The following LRGUK variants were observed in gnomAD, a reference collection of about 807,000 sequenced individuals.
The protein encoded by LRGUK is leucine-rich repeat and guanylate kinase domain-containing protein.
In LRGUK, 65 loss-of-function variants were observed where a neutral mutation model predicts 76.0. That is an observed-to-expected ratio of 0.85 (90% confidence interval 0.70 to 1.05). The LOEUF (loss-of-function observed/expected upper bound fraction) is 1.05, where lower values mean the gene tolerates loss of function less well. Among genes scored for constraint, LRGUK ranks in the 50% least tolerant of loss-of-function variants. LRGUK has a pLI of 0.00. For synonymous variants in LRGUK, 268 were observed against 265.6 expected (o/e 1.01, Z -0.09); for missense variants, 758 against 732.8 (o/e 1.03, Z -0.40).
chr7:134,263,920 G>A (rs138421011), exon 20 of LRGUK: 15 of 1,612,184 alleles, frequency 9.3e-6, no homozygotes, highest in African/African-American at 5.3e-5. Context: ...GTCATCAGTC[G>A]CCCAGGTTCC....
chr7:134,172,450 A>C (rs1799295117), intron 7 of LRGUK, among the ~76,000 whole-genome samples: 1 of 152,188 alleles, frequency 6.6e-6, no homozygotes, highest in Non-Finnish European at 1.5e-5. Flanking sequence ...GGGAAATCTA[A>C]TTCTTTACAA....
chr7:134,268,850 C>T (rs926096219), downstream of LRGUK, among the ~76,000 whole-genome samples: 1 of 126,260 alleles, frequency 7.9e-6, no homozygotes, highest in Non-Finnish European at 1.9e-5. Context: ...CTGCCTCAGC[C>T]TCCTGAGTAG....
At chr7:134,267,822 C>T (rs1802884257), downstream of LRGUK, among the ~76,000 whole-genome samples, 1 of 152,022 alleles carries the variant, frequency 6.6e-6, no homozygotes, top group Non-Finnish European at 1.5e-5. Context: ...TATTGGGTAC[C>T]ATGTTCACTA....
chr7:134,185,214 AAAAC>A (rs1394857219), intron 11 of LRGUK, among the ~76,000 whole-genome samples: 14 of 152,224 alleles, frequency 9.2e-5, no homozygotes, highest in African/African-American at 1.4e-4. Context: ...CAAAAAACCA[AAAAC>A]AAACAAACAA....
At chr7:134,193,705 C>T (rs1391233971) in intron 12 of LRGUK, among the ~76,000 whole-genome samples, 1 of 152,126 alleles carries the variant, frequency 6.6e-6, no homozygotes, top group East Asian at 1.9e-4. Context: ...GAGAGACAAA[C>T]TTAGAGATGA....
In LRGUK at chr7:134,174,714, A is replaced by C. The variant is rs956637520; in HGVS notation, c.1020+78A>C. 9 of 804,486 alleles carry C rather than the reference A, an allele frequency of 1.1e-5. No individual in the cohort carries two copies. The African/African-American group carries it at 1.5e-4, about 14-fold the overall frequency. The allele number at this position is 804,486 out of a possible 1,614,324, so 49.8% of individuals were successfully genotyped here. On this transcript the variant is annotated intron_variant, in intron 8 of 15. Transcript: ENST00000645682. The stretch of plus-strand genomic sequence containing the variant: ...GAGGGAAACTATCTAGGAATTCTTC[A>C]AGAAGTACTTTTGATAAAAGAATAT...
chr7:134,150,726 A>C (rs536385823), intron 5 of LRGUK, among the ~76,000 whole-genome samples: 1 of 152,322 alleles, frequency 6.6e-6, no homozygotes, highest in African/African-American at 2.4e-5. Context: ...AAACATTTCT[A>C]TCAAGAGAGT....
chr7:134,133,639 T>C (rs916240614), intron 1 of LRGUK, among the ~76,000 whole-genome samples: 5 of 152,186 alleles, frequency 3.3e-5, no homozygotes, highest in Non-Finnish European at 7.3e-5. Flanking sequence ...CCCTGATGAA[T>C]GAGGAACATG....
At chr7:134,147,928 G>A (rs1401507523) in intron 4 of LRGUK, among the ~76,000 whole-genome samples, 1 of 152,114 alleles carries the variant, frequency 6.6e-6, no homozygotes, top group Non-Finnish European at 1.5e-5. Context: ...CAGTTGCGGT[G>A]GTGGGCACCT....
At chr7:134,166,834 C>T (rs1303177590) in intron 7 of LRGUK, among the ~76,000 whole-genome samples, 6 of 152,172 alleles carry the variant, frequency 3.9e-5, no homozygotes, top group African/African-American at 9.7e-5. Context: ...TTAATGTCCC[C>T]GGCAAGCAAT....
intron 16 of LRGUK, among the ~76,000 whole-genome samples, chr7:134,241,144 C>T (rs1210665497): frequency 6.6e-6 from 1 of 152,176 alleles, no homozygotes; most frequent in Non-Finnish European, 1.5e-5. Flanking sequence ...ACTGCATCAA[C>T]TAATGAGCAA....
At chr7:134,161,688 CTTTT>C (rs57550981) in intron 6 of LRGUK, among the ~76,000 whole-genome samples, 2 of 105,454 alleles carry the variant, frequency 1.9e-5, no homozygotes, top group Admixed American at 1.0e-4. Flanking sequence ...TATTGTTATT[CTTTT>C]TTTTTTTTTT....
chr7:134,257,478 C>T (rs1802614224), intron 18 of LRGUK, among the ~76,000 whole-genome samples: 1 of 152,094 alleles, frequency 6.6e-6, no homozygotes, highest in African/African-American at 2.4e-5. Context: ...GCAGGGATTT[C>T]AGATGCCCAA....
At chr7:134,178,210 G>GT (rs763703765) in intron 9 of LRGUK, among the ~76,000 whole-genome samples, 2 of 151,986 alleles carry the variant, frequency 1.3e-5, no homozygotes, top group African/African-American at 4.8e-5. Context: ...TTGTTTGGTG[G>GT]TTTTTTTGTG....
chr7:134,183,804 G>T lies in LRGUK; in HGVS notation c.1285G>T (p.Glu429Ter). 6.2e-7 allele frequency: 1 copy of T among 1,614,154 alleles called. No individual in the cohort carries two copies. The highest frequency in any genetic ancestry group is 8.5e-7 in the Non-Finnish European group (1 of 1,179,982). ...TGGTCCTGAAGCTTGTGGGAAACGA[G>T]AGCTTGCCCATCGCCTCTGCAGACA... is the stretch of plus-strand genomic sequence containing the variant. Residue 429 changes from glutamate (E) to a stop codon, truncating the protein, a stop_gained, in exon 11 of 16, where the codon GAG becomes TAG. Coordinates refer to ENST00000645682, the Ensembl canonical transcript of LRGUK. LOFTEE classifies it high-confidence loss of function.
At chr7:134,232,341 C>T (rs776044511) in intron 16 of LRGUK, among the ~76,000 whole-genome samples, 7 of 151,930 alleles carry the variant, frequency 4.6e-5, no homozygotes, top group Admixed American at 6.6e-5. Context: ...TGCAATGGCA[C>T]GATCTCGGCT....
At chr7:134,234,483 T>C (rs1801971768) in intron 16 of LRGUK, among the ~76,000 whole-genome samples, 1 of 152,208 alleles carries the variant, frequency 6.6e-6, no homozygotes, top group South Asian at 2.1e-4. Context: ...ATTCCTTTCT[T>C]CATTGTTGTT....
At chr7:134,183,908 G>A (rs866438623) in intron 11 of LRGUK, 55 bp downstream of exon 11, 1 of 1,593,796 alleles carries the variant, frequency 6.3e-7, no homozygotes, top group South Asian at 1.1e-5. Context: ...ATTATTGGAG[G>A]TATCAATAGT....
intron 15 of LRGUK, among the ~76,000 whole-genome samples, chr7:134,220,452 A>C (rs1257105337): frequency 6.6e-6 from 1 of 152,220 alleles, no homozygotes; most frequent in Non-Finnish European, 1.5e-5. Context: ...GATTTCCTAC[A>C]GGTGTTTCTA....
Sources: allele counts gnomAD v4.1 joint callset (sites outside exome capture counted in the v4.1 genomes callset), GRCh38; gene constraint gnomAD v4.1.1; transcripts MANE v1.5; gene names NCBI Gene and HGNC (gene_info 2026-07-23, HGNC 2026-07-21).